The following PPARGC1A variants were observed in gnomAD, a reference collection of about 807,000 sequenced individuals.
PPARGC1A encodes peroxisome proliferator-activated receptor gamma coactivator 1-alpha.
Under a neutral mutation model 88.7 loss-of-function variants are expected in PPARGC1A, and 25 were observed. The ratio of observed to expected loss-of-function variants is 0.28; its 90% confidence interval spans 0.21 to 0.39. PPARGC1A has a LOEUF of 0.39. Among genes scored for constraint, PPARGC1A ranks in the 10% least tolerant of loss-of-function variants. The pLI is 1.00. For synonymous variants in PPARGC1A, 363 were observed against 355.6 expected (o/e 1.02, Z -0.24); for missense variants, 880 against 968.7 (o/e 0.91, Z 1.22).
At position 23,814,267 on chromosome 4, in the gene PPARGC1A, C is replaced by T. The variant is rs777635529; in HGVS notation, c.1216G>A (p.Asp406Asn). The T allele has an allele frequency of 6.2e-7, 1 of 1,614,054 alleles. No individual in the cohort carries two copies. Among genetic ancestry groups the T allele is most frequent in the South Asian group, 1.1e-5 (1 of 91,062 alleles). ...ILINISQELQDSRQLENKDVS... is the reference protein window; with the variant it reads ...ILINISQELQNSRQLENKDVS... The stretch of plus-strand genomic sequence containing the variant: ...TCTTTATTTTCTAGTTGTCTAGAGT[C>T]TTGGAGCTCCTGTGATATATTAATG... Residue 406 changes from aspartate to asparagine, a missense_variant, in exon 8 of 13, where the codon GAC becomes AAC. Physicochemically the swap from Asp to Asn is conservative, Grantham distance 23. Transcript: ENST00000264867.
the PPARGC1A span, among the ~76,000 whole-genome samples, chr4:24,346,602 A>G: frequency 1.3e-5 from 2 of 151,954 alleles, no homozygotes; most frequent in African/African-American, 4.8e-5. Context: ...TTTGTATTTC[A>G]GTGGTGTCAG....
chr4:23,878,232 T>C (rs1715198068), intron 2 of PPARGC1A, among the ~76,000 whole-genome samples: 1 of 152,100 alleles, frequency 6.6e-6, no homozygotes, highest in Admixed American at 6.5e-5. Flanking sequence ...CATGAAATCA[T>C]TGGTTTCTCC....
At chr4:23,997,040 G>A in the PPARGC1A span, among the ~76,000 whole-genome samples, 1 of 152,162 alleles carries the variant, frequency 6.6e-6, no homozygotes, top group Non-Finnish European at 1.5e-5. Context: ...TCTGCTCTGG[G>A]TGTCAGAAGA....
intron 1 of PPARGC1A, chr4:23,888,867 A>G (rs1717346790): frequency 1.1e-6 from 1 of 916,486 alleles, no homozygotes. Context: ...CAGAGGAAAC[A>G]CTCGCAGTCT....
chr4:24,018,470 G>A, the PPARGC1A span, among the ~76,000 whole-genome samples: 2 of 152,020 alleles, frequency 1.3e-5, no homozygotes, highest in Non-Finnish European at 2.9e-5. Flanking sequence ...GATGGGTGAG[G>A]GTTTGGATGT....
the PPARGC1A span, among the ~76,000 whole-genome samples, chr4:24,162,628 G>C: frequency 1.0e-5 from 1 of 98,932 alleles, no homozygotes; most frequent in African/African-American, 3.9e-5. Context: ...TTTCATTCTT[G>C]TCACCCAGGC....
the PPARGC1A span, among the ~76,000 whole-genome samples, chr4:24,222,274 G>A: frequency 1.4e-4 from 21 of 152,302 alleles, no homozygotes; most frequent in East Asian, 3.9e-4. Context: ...TGTGCATTAC[G>A]CTTGTGAGAG....
chr4:23,829,710 TTA>T (rs1470701468), intron 3 of PPARGC1A, 125 bp from the exon 4 acceptor site: 1 of 973,326 alleles, frequency 1.0e-6, no homozygotes, highest in African/African-American at 1.6e-5. Context: ...ATCATTTTAT[TTA>T]TGTCACACCT....
chr4:24,023,961 T>C, the PPARGC1A span, among the ~76,000 whole-genome samples: 1 of 152,200 alleles, frequency 6.6e-6, no homozygotes, highest in African/African-American at 2.4e-5. Context: ...TTCCAAAGTG[T>C]AGCCAACTAA....
the PPARGC1A span, among the ~76,000 whole-genome samples, chr4:24,445,443 T>C: frequency 6.6e-6 from 1 of 152,236 alleles, no homozygotes. Flanking sequence ...TTGTCAGTAC[T>C]GGATTCGTAT....
chr4:23,977,302 C>G, the PPARGC1A span, among the ~76,000 whole-genome samples: 1 of 152,186 alleles, frequency 6.6e-6, no homozygotes, highest in Non-Finnish European at 1.5e-5. Flanking sequence ...TAAAACCATT[C>G]ATATTTGCCA....
chr4:24,140,399 C>A, the PPARGC1A span, among the ~76,000 whole-genome samples: 1 of 152,166 alleles, frequency 6.6e-6, no homozygotes, highest in Non-Finnish European at 1.5e-5. Context: ...CAAGGAATTT[C>A]TTTTGTTCAC....
At chr4:24,284,976 CACG>C in the PPARGC1A span, among the ~76,000 whole-genome samples, 2 of 151,902 alleles carry the variant, frequency 1.3e-5, no homozygotes, top group African/African-American at 4.8e-5. Context: ...TGCAGTGAGC[CACG>C]ATCGGGCCAC....
At chr4:23,869,140 A>C (rs955212757) in intron 2 of PPARGC1A, among the ~76,000 whole-genome samples, 1 of 152,150 alleles carries the variant, frequency 6.6e-6, no homozygotes, top group African/African-American at 2.4e-5. Context: ...CCAGTGGTTC[A>C]AGAATAGCTT....
chr4:23,959,219 C>T, the PPARGC1A span, among the ~76,000 whole-genome samples: 1 of 152,024 alleles, frequency 6.6e-6, no homozygotes, highest in Non-Finnish European at 1.5e-5. Flanking sequence ...ATGGAGTCAA[C>T]ATGAGGAGGA....
chr4:24,218,353 A>G, the PPARGC1A span, among the ~76,000 whole-genome samples: 1 of 152,236 alleles, frequency 6.6e-6, no homozygotes, highest in South Asian at 2.1e-4. Context: ...TAGCTGCAGG[A>G]AAAAAGAGAT....
the PPARGC1A span, among the ~76,000 whole-genome samples, chr4:24,322,542 T>G: frequency 6.6e-6 from 1 of 152,216 alleles, no homozygotes; most frequent in South Asian, 2.1e-4. Context: ...CATGTGTATG[T>G]GAGTGTGTGT....
the PPARGC1A span, among the ~76,000 whole-genome samples, chr4:24,299,975 T>C: frequency 1.3e-5 from 2 of 152,214 alleles, no homozygotes; most frequent in Non-Finnish European, 2.9e-5. Context: ...GTTTGTGATG[T>C]GCAAATTAAA....
At chr4:24,255,233 T>C in the PPARGC1A span, among the ~76,000 whole-genome samples, 8 of 152,374 alleles carry the variant, frequency 5.3e-5, no homozygotes, top group South Asian at 2.1e-4. Flanking sequence ...AAAGAGTTCA[T>C]GTATCAGACT....
Sources: allele counts gnomAD v4.1 joint callset (sites outside exome capture counted in the v4.1 genomes callset), GRCh38; gene constraint gnomAD v4.1.1; transcripts MANE v1.5; gene names NCBI Gene and HGNC (gene_info 2026-07-23, HGNC 2026-07-21).